The following PPP1R36 variants were observed in gnomAD, a reference collection of about 807,000 sequenced individuals.
PPP1R36 encodes protein phosphatase 1 regulatory subunit 36.
A neutral mutation model predicts 53.4 loss-of-function variants in PPP1R36; 47 were observed. The ratio of observed to expected loss-of-function variants is 0.88; its 90% CI spans 0.70 to 1.12. The LOEUF is 1.12. Ranked by LOEUF, PPP1R36 falls within the 50% of genes most tolerant of loss-of-function variation. PPP1R36 has a pLI of 0.00. For synonymous variants in PPP1R36, 153 were observed against 170.5 expected, an observed-to-expected ratio of 0.90 and a Z score of 0.80; for missense variants, 456 against 513.9, an observed-to-expected ratio of 0.89 and a Z score of 1.09.
intron 8 of PPP1R36, among the ~76,000 whole-genome samples, chr14:64,582,742 A>G (rs1404316576): frequency 1.3e-5 from 2 of 152,128 alleles, no homozygotes; most frequent in Non-Finnish European, 2.9e-5. Flanking sequence ...GTTTCTCTTC[A>G]CTGTGGCTAC....
intron 1 of PPP1R36, chr14:64,550,421 G>T: frequency 2.1e-6 from 1 of 481,956 alleles, no homozygotes; most frequent in Non-Finnish European, 3.0e-6. Flanking sequence ...GGTGAAAAGG[G>T]TGTACTTAAC....
chr14:64,589,057 C>A, intron 11 of PPP1R36, 95 bp from the exon 12 acceptor site: 1 of 859,492 alleles, frequency 1.2e-6, no homozygotes, highest in Non-Finnish European at 1.8e-6. Flanking sequence ...TACATACACA[C>A]ACACATACAT....
intron 8 of PPP1R36, among the ~76,000 whole-genome samples, chr14:64,577,380 G>A (rs927357943): frequency 1.9e-4 from 29 of 152,186 alleles, no homozygotes; most frequent in Non-Finnish European, 3.8e-4. Flanking sequence ...TCTGGGTGCA[G>A]CAAGCCCATT....
intron 3 of PPP1R36, chr14:64,562,069 T>G (rs1349660518): frequency 3.3e-6 from 1 of 301,996 alleles, no homozygotes; most frequent in Non-Finnish European, 6.6e-6. Context: ...ATTAGGGAAC[T>G]ACATCTACCT....
intron 4 of PPP1R36, 47 bp from the exon 5 acceptor site, chr14:64,565,310 C>A: frequency 7.4e-7 from 1 of 1,358,656 alleles, no homozygotes; most frequent in Non-Finnish European, 1.0e-6. Context: ...TTAAATACAA[C>A]TAAAATATAT....
At chr14:64,557,733 T>G (rs2080168170) in intron 3 of PPP1R36, among the ~76,000 whole-genome samples, 1 of 152,142 alleles carries the variant, frequency 6.6e-6, no homozygotes, top group Non-Finnish European at 1.5e-5. Context: ...AAGAATGGGC[T>G]GGGGGCAGTG....
At chr14:64,554,272 C>T (rs1032581275) in intron 3 of PPP1R36, among the ~76,000 whole-genome samples, 2 of 151,476 alleles carry the variant, frequency 1.3e-5, no homozygotes, top group Non-Finnish European at 2.9e-5. Context: ...TTGCCTCAGC[C>T]TCCCGAGTAG....
At chr14:64,556,127 A>T (rs200674452) in intron 3 of PPP1R36, among the ~76,000 whole-genome samples, 7 of 125,396 alleles carry the variant, frequency 5.6e-5, no homozygotes, top group Admixed American at 1.7e-4. Context: ...TTGTAGATTG[A>T]TTTTTTTTTT....
intron 3 of PPP1R36, among the ~76,000 whole-genome samples, chr14:64,557,913 G>A (rs903945249): frequency 1.3e-5 from 2 of 152,220 alleles, no homozygotes; most frequent in African/African-American, 4.8e-5. Flanking sequence ...GGAGGCTGAG[G>A]CAGGAGAATC....
intron 7 of PPP1R36, among the ~76,000 whole-genome samples, chr14:64,573,066 A>G (rs1165624959): frequency 6.6e-6 from 1 of 152,184 alleles, no homozygotes; most frequent in African/African-American, 2.4e-5. Context: ...CAGAAGGGGC[A>G]GTCATTTGTC....
intron 2 of PPP1R36, 71 bp from the exon 3 acceptor site, chr14:64,552,743 A>G: frequency 8.3e-7 from 1 of 1,199,214 alleles, no homozygotes; most frequent in Admixed American, 1.8e-5. Context: ...TTTACATTTT[A>G]TAGAATATGT....
intron 6 of PPP1R36, among the ~76,000 whole-genome samples, chr14:64,567,705 A>G (rs779356687): frequency 1.4e-4 from 21 of 152,012 alleles, no homozygotes; most frequent in Non-Finnish European, 2.6e-4. Flanking sequence ...TCTTTTGCCC[A>G]GGCTGGAGTG....
intron 3 of PPP1R36, among the ~76,000 whole-genome samples, chr14:64,561,099 C>T (rs1444262954): frequency 6.6e-6 from 1 of 152,150 alleles, no homozygotes; most frequent in Non-Finnish European, 1.5e-5. Context: ...ATCTTGATCT[C>T]AGGGGCATCA....
chr14:64,572,600 C>A (rs2080311727), intron 7 of PPP1R36, among the ~76,000 whole-genome samples: 1 of 151,960 alleles, frequency 6.6e-6, no homozygotes, highest in Non-Finnish European at 1.5e-5. Context: ...GCCTTGGAAT[C>A]ATTTGGGAAG....
At chr14:64,560,750 C>T (rs544013983) in intron 3 of PPP1R36, among the ~76,000 whole-genome samples, 6 of 152,238 alleles carry the variant, frequency 3.9e-5, no homozygotes, top group African/African-American at 1.4e-4. Context: ...TGGGAATACA[C>T]AGTAAAGGGG....
rs754663196 is a variant in PPP1R36 at position 64,588,133 on chromosome 14, A to C, written c.920A>C (p.Lys307Thr). The change falls in exon 11 of 12, where the codon AAA becomes ACA. Residue 307 changes from lysine to threonine, a missense_variant. Transcript: ENST00000298705. ...RRMMAKRPAI[K>T]KAINMRSPVM... ...ATGATGGCAAAACGCCCAGCAATTA[A>C]AAAAGCTATCAACATGCGTTCTCCA... The C allele has an allele frequency of 1.3e-4, 202 of 1,606,234 alleles. No individual in the cohort carries two copies. The highest frequency in any genetic ancestry group is 1.7e-4 in the Non-Finnish European group (199 of 1,175,036).
intron 8 of PPP1R36, chr14:64,586,058 G>C (rs2080431152): frequency 6.6e-6 from 1 of 152,246 alleles, no homozygotes; most frequent in Non-Finnish European, 1.5e-5. Context: ...TCCTGCCTCA[G>C]CCTCCCGAGT....
intron 1 of PPP1R36, 57 bp downstream of exon 1, chr14:64,550,123 GC>G (rs1409120573): frequency 1.7e-5 from 26 of 1,531,660 alleles, no homozygotes; most frequent in South Asian, 2.4e-5. Flanking sequence ...GGGCCCTGCT[GC>G]CCCCAACCGG....
chr14:64,576,522 A>G (rs2080343219), intron 8 of PPP1R36, among the ~76,000 whole-genome samples: 1 of 152,310 alleles, frequency 6.6e-6, no homozygotes, highest in South Asian at 2.1e-4. Context: ...TATACATATG[A>G]AGTTTCTCTC....
Sources: gnomAD v4.1 joint callset for allele counts (sites outside exome capture counted in the v4.1 genomes callset) on GRCh38, gnomAD v4.1.1 for gene constraint, MANE v1.5 for transcripts, NCBI Gene and HGNC (gene_info 2026-07-23, HGNC 2026-07-21) for gene names.